Variants in WDR7 observed in about 807,000 individuals in gnomAD.
The protein encoded by WDR7 is WD repeat domain 7, also known as WD repeat-containing protein 7.
In WDR7, 46 loss-of-function variants were observed where a neutral mutation model predicts 169.4. That is an observed-to-expected ratio of 0.27 (90% CI 0.21 to 0.35). The LOEUF is 0.35. Ranked by LOEUF, WDR7 falls within the 10% of genes least tolerant of loss-of-function variation. The pLI is 1.00. For missense variants in WDR7, 1,534 were observed against 1,859.3 expected (o/e 0.83, Z 3.22); for synonymous variants, 612 against 666.8 (o/e 0.92, Z 1.27).
At chr18:56,652,064 AG>A (rs1219750850) in intron 1 of WDR7, among the ~76,000 whole-genome samples, 1 of 152,170 alleles carries the variant, frequency 6.6e-6, no homozygotes, top group Non-Finnish European at 1.5e-5. Flanking sequence ...CCTTTGCCCT[AG>A]TACTTGTCTG....
intron 25 of WDR7, among the ~76,000 whole-genome samples, chr18:56,942,960 G>T (rs557922917): frequency 6.6e-6 from 1 of 152,280 alleles, no homozygotes; most frequent in East Asian, 1.9e-4. Flanking sequence ...AAACATAGAA[G>T]AATGATTAAC....
intron 19 of WDR7, among the ~76,000 whole-genome samples, chr18:56,800,723 G>A (rs1480205839): frequency 3.3e-5 from 5 of 152,214 alleles, no homozygotes; most frequent in Non-Finnish European, 4.4e-5. Context: ...GCCATAGGGA[G>A]CTCTTTTAAG....
chr18:56,907,441 C>T (rs144987804), intron 21 of WDR7, among the ~76,000 whole-genome samples: 298 of 152,230 alleles, frequency 2.0e-3, no homozygotes, highest in African/African-American at 6.8e-3. Flanking sequence ...GGATTCTGGA[C>T]GTGCCGTGAC....
At chr18:56,940,763 C>T (rs1483583363) in intron 25 of WDR7, among the ~76,000 whole-genome samples, 1 of 152,120 alleles carries the variant, frequency 6.6e-6, no homozygotes, top group Non-Finnish European at 1.5e-5. Flanking sequence ...TAACAGTGCT[C>T]CTTATAGCAC....
At chr18:57,031,342 T>C (rs1304351913), downstream of WDR7, 4 of 152,232 alleles carry the variant, frequency 2.6e-5, no homozygotes. Context: ...GAGAGGTTTA[T>C]GCACCTCTAG....
At chr18:56,936,490 A>G (rs758078250) in intron 23 of WDR7, among the ~76,000 whole-genome samples, 8 of 152,224 alleles carry the variant, frequency 5.3e-5, no homozygotes, top group Non-Finnish European at 1.2e-4. Context: ...GGAAAGGATG[A>G]TCAGCTCTTA....
At chr18:56,774,432 CTG>C (rs1239689463) in intron 16 of WDR7, among the ~76,000 whole-genome samples, 1 of 151,990 alleles carries the variant, frequency 6.6e-6, no homozygotes, top group East Asian at 1.9e-4. Context: ...AATAATGGAA[CTG>C]TGTTAATTTT....
At chr18:56,816,544 T>G (rs935664358) in intron 20 of WDR7, among the ~76,000 whole-genome samples, 1 of 152,244 alleles carries the variant, frequency 6.6e-6, no homozygotes, top group Non-Finnish European at 1.5e-5. Context: ...ATATAAGCTG[T>G]ATAGGAAGAC....
At chr18:56,752,709 A>G (rs919308170) in intron 14 of WDR7, among the ~76,000 whole-genome samples, 2 of 152,186 alleles carry the variant, frequency 1.3e-5, no homozygotes, top group Admixed American at 1.3e-4. Context: ...TATGTATTTT[A>G]GGATGCTTAA....
chr18:56,922,380 A>G (rs933972275), intron 21 of WDR7, among the ~76,000 whole-genome samples: 3 of 152,156 alleles, frequency 2.0e-5, no homozygotes, highest in African/African-American at 7.2e-5. Context: ...TAAAAATATG[A>G]GCATTTCATG....
intron 3 of WDR7, 87 bp from the exon 4 acceptor site, chr18:56,681,226 T>C: frequency 1.1e-6 from 1 of 931,386 alleles, no homozygotes; most frequent in African/African-American, 1.7e-5. Context: ...TTAGTTTTAA[T>C]GGAAGATTAA....
chr18:56,654,205 C>T (rs1013606970), intron 1 of WDR7, among the ~76,000 whole-genome samples: 5 of 152,078 alleles, frequency 3.3e-5, no homozygotes, highest in Admixed American at 3.3e-4. Context: ...GATCTTGGCT[C>T]ACTGCCATCT....
intron 19 of WDR7, among the ~76,000 whole-genome samples, chr18:56,795,693 A>G (rs7228121): frequency 0.074 from 11,231 of 152,224 alleles, 501 homozygotes; most frequent in East Asian, 0.19. Flanking sequence ...TCTGTTGCCC[A>G]GGCTGGTCTC....
intron 26 of WDR7, among the ~76,000 whole-genome samples, chr18:56,980,895 G>A (rs1185566659): frequency 6.6e-6 from 1 of 152,202 alleles, no homozygotes; most frequent in Non-Finnish European, 1.5e-5. Context: ...CAGTCAGGAT[G>A]AGGAATTTTG....
At chr18:56,679,491 C>G (rs971421622) in intron 3 of WDR7, 53 bp downstream of exon 3, 1 of 1,343,248 alleles carries the variant, frequency 7.4e-7, no homozygotes, top group Non-Finnish European at 1.0e-6. Context: ...TAACTAGCAC[C>G]AATGCCTTGT....
chr18:56,832,721 A>G (rs542679798), intron 20 of WDR7, among the ~76,000 whole-genome samples: 1 of 152,306 alleles, frequency 6.6e-6, no homozygotes, highest in East Asian at 1.9e-4. Flanking sequence ...GACCTCCAGC[A>G]AACTCCAGCA....
In WDR7 at chr18:56,880,054, GC is replaced by G. The variant is rs1331605209; in HGVS notation, c.3416del (p.Ala1139ValfsTer9). 6.2e-7 allele frequency: 1 copy of G among 1,614,102 alleles called. No homozygotes were observed. The highest frequency in any genetic ancestry group is 1.3e-5 in the African/African-American group (1 of 75,038). On this transcript the variant is annotated frameshift_variant, in exon 21 of 28. Coordinates refer to ENST00000254442, the MANE Select transcript of WDR7 (RefSeq NM_015285.3). LOFTEE classifies it high-confidence loss of function. ...LLGVIGAEFG[A>X]EIEPPKLLTR... ...TGGAGTAATAGGAGCTGAATTTGGT[GC>G]TGAAATTGAACCTCCTAAACTATTG...
chr18:56,977,628 G>A (rs1410112820), intron 26 of WDR7, among the ~76,000 whole-genome samples: 1 of 152,142 alleles, frequency 6.6e-6, no homozygotes, highest in East Asian at 1.9e-4. Context: ...TTCTGCTCCT[G>A]CTTTAAAGTA....
intron 1 of WDR7, among the ~76,000 whole-genome samples, chr18:56,671,181 A>G (rs570802253): frequency 6.6e-6 from 1 of 152,014 alleles, no homozygotes; most frequent in Non-Finnish European, 1.5e-5. Context: ...TTACAAAGAC[A>G]TTCTTTTCTT....
Sources: allele counts gnomAD v4.1 joint callset (sites outside exome capture counted in the v4.1 genomes callset), GRCh38; gene constraint gnomAD v4.1.1; transcripts MANE v1.5; gene names NCBI Gene and HGNC (gene_info 2026-07-23, HGNC 2026-07-21).